GIGYF2: variants seen among roughly 807,000 people sequenced by gnomAD.
The protein encoded by GIGYF2 is GRB10-interacting GYF protein 2.
In GIGYF2, 25 loss-of-function variants were observed where a neutral mutation model predicts 208.1. The observed-to-expected ratio is 0.12, with a 90% CI of 0.09 to 0.17. The LOEUF (loss-of-function observed/expected upper bound fraction) is 0.17. GIGYF2 is among the 10% of genes least tolerant of loss of function. The pLI is 1.00. For synonymous variants in GIGYF2, 534 were observed against 543.8 expected (o/e 0.98, Z 0.25); for missense variants, 1,302 against 1,579.4 (o/e 0.82, Z 2.98).
At chr2:232,771,640 G>A (rs375135863) in intron 8 of GIGYF2, among the ~76,000 whole-genome samples, 2 of 152,140 alleles carry the variant, frequency 1.3e-5, no homozygotes, top group Non-Finnish European at 2.9e-5. Flanking sequence ...CATTTTCTAA[G>A]TATATTTTAG....
chr2:232,816,530 G>A (rs79566284), intron 19 of GIGYF2, among the ~76,000 whole-genome samples: 1,846 of 152,290 alleles, frequency 0.012, 44 homozygotes, highest in African/African-American at 0.042. Flanking sequence ...TAATGGTAAC[G>A]TGGAGTGTGG....
chr2:232,707,045 G>A (rs567814865), intron 2 of GIGYF2, among the ~76,000 whole-genome samples: 47 of 151,730 alleles, frequency 3.1e-4, no homozygotes, highest in African/African-American at 1.1e-3. Context: ...ATGTGGCAAT[G>A]TTGATGGCAT....
intron 2 of GIGYF2, chr2:232,705,536 G>A (rs1165696599): frequency 1.3e-5 from 2 of 152,282 alleles, no homozygotes; most frequent in Non-Finnish European, 2.9e-5. Flanking sequence ...CTCCCGAGTA[G>A]CTGGGATTAC....
At chr2:232,816,097 C>T (rs963993573) in intron 19 of GIGYF2, among the ~76,000 whole-genome samples, 3 of 152,128 alleles carry the variant, frequency 2.0e-5, no homozygotes, top group Non-Finnish European at 4.4e-5. Flanking sequence ...TGAGTTCTCC[C>T]ATTGAATCTT....
At chr2:232,702,458 C>CT (rs541776440) in intron 1 of GIGYF2, among the ~76,000 whole-genome samples, 67 of 151,358 alleles carry the variant, frequency 4.4e-4, no homozygotes, top group Non-Finnish European at 7.4e-4. Flanking sequence ...AAAAAAAACT[C>CT]TATCTGTCTC....
chr2:232,856,826 A>G lies in GIGYF2; in HGVS notation c.3866A>G (p.Asn1289Ser). 1.9e-6 allele frequency: 3 copies of G among 1,613,702 alleles called. No homozygotes were observed. Among genetic ancestry groups the G allele is most frequent in the African/African-American group, 1.3e-5 (1 of 75,048 alleles). The change falls in exon 29 of 29, where the codon AAC (asparagine) becomes AGC (serine). Residue 1289 changes from asparagine (N) to serine (S), a missense_variant. By Grantham distance (46) the Asn-to-Ser change is conservative. Coordinates refer to ENST00000373563, the MANE Select transcript of GIGYF2 (RefSeq NM_001103146.3). ...GTCAATGCATCATCGGAGCGACTCA[A>G]CATGGGTGAAATCGAGACGTTGGAT... Reference protein sequence around the residue: ...FSVNASSERLNMGEIETLDDY With the variant: ...FSVNASSERLSMGEIETLDDY
At chr2:232,841,802 G>A (rs1489926334) in intron 23 of GIGYF2, among the ~76,000 whole-genome samples, 1 of 152,018 alleles carries the variant, frequency 6.6e-6, no homozygotes, top group Non-Finnish European at 1.5e-5. Flanking sequence ...GACACTCTCA[G>A]CTTGCTTTAT....
At chr2:232,746,161 A>G (rs1434194842) in intron 3 of GIGYF2, among the ~76,000 whole-genome samples, 1 of 151,296 alleles carries the variant, frequency 6.6e-6, no homozygotes, top group Non-Finnish European at 1.5e-5. Context: ...AATACAAAAA[A>G]TTTTCCACAA....
chr2:232,847,269 T>G, intron 26 of GIGYF2, 79 bp from the exon 27 acceptor site: 2 of 1,440,616 alleles, frequency 1.4e-6, no homozygotes, highest in Non-Finnish European at 2.0e-6. Context: ...AAAGATACAT[T>G]AAAAATGGAA....
chr2:232,711,119 A>G (rs1278933655), intron 2 of GIGYF2, among the ~76,000 whole-genome samples: 1 of 132,236 alleles, frequency 7.6e-6, no homozygotes, highest in Non-Finnish European at 1.7e-5. Context: ...TTTTTTTTTT[A>G]AAGACAGTGT....
intron 2 of GIGYF2, among the ~76,000 whole-genome samples, chr2:232,728,369 G>A (rs1697304070): frequency 6.6e-6 from 1 of 152,120 alleles, no homozygotes; most frequent in Admixed American, 6.5e-5. Context: ...GCCCAGTCAG[G>A]GAAGCAAATA....
intron 2 of GIGYF2, chr2:232,724,476 T>C (rs1340898453): frequency 6.6e-6 from 1 of 152,104 alleles, no homozygotes; most frequent in Non-Finnish European, 1.5e-5. Flanking sequence ...ACTGCATTCT[T>C]CAGATCATCA....
intron 14 of GIGYF2, among the ~76,000 whole-genome samples, chr2:232,804,433 G>A (rs1700495407): frequency 1.3e-5 from 2 of 148,356 alleles, no homozygotes; most frequent in Admixed American, 1.4e-4. Flanking sequence ...ATTAGCTCAA[G>A]GAGTTCTTTT....
intron 23 of GIGYF2, among the ~76,000 whole-genome samples, chr2:232,842,691 A>G (rs1172271725): frequency 6.6e-6 from 1 of 152,186 alleles, no homozygotes; most frequent in Non-Finnish European, 1.5e-5. Flanking sequence ...GGGCTTTCCT[A>G]TAATAGATTC....
At chr2:232,821,722 GT>G (rs532298465) in intron 21 of GIGYF2, among the ~76,000 whole-genome samples, 1 of 151,918 alleles carries the variant, frequency 6.6e-6, no homozygotes, top group South Asian at 2.1e-4. Flanking sequence ...TTTTATTAGT[GT>G]TTTTTTGTTT....
chr2:232,713,954 C>CTT (rs34183844), intron 2 of GIGYF2, among the ~76,000 whole-genome samples: 1 of 130,098 alleles, frequency 7.7e-6, no homozygotes, highest in Non-Finnish European at 1.6e-5. Context: ...TTTTTTTTCT[C>CTT]TTTTTTTTTT....
intron 1 of GIGYF2, among the ~76,000 whole-genome samples, chr2:232,703,166 A>G (rs1234440055): frequency 6.6e-6 from 1 of 152,190 alleles, no homozygotes; most frequent in Non-Finnish European, 1.5e-5. Flanking sequence ...CTGAAACCCC[A>G]TGGTGGTCTT....
rs1471532935 is a variant in GIGYF2 at position 232,857,536 on chromosome 2, G to A, written c.*676G>A. 3.3e-5 allele frequency: 5 copies of A among 153,230 alleles called. No individual in the cohort carries two copies. Among genetic ancestry groups the A allele is most frequent in the East Asian group, 1.9e-4 (1 of 5,206 alleles). 9.5% of individuals were successfully genotyped at this position (153,230 alleles called of 1,614,324 possible). On this transcript the variant is annotated 3_prime_UTR_variant, in exon 29 of 29. Coordinates refer to ENST00000373563, the MANE Select transcript of GIGYF2 (RefSeq NM_001103146.3). ...TCTGAAAGGATTTATGTTTTTCTTC[G>A]TTAGATAGTGACTTCTGAGCAAGCT...
At chr2:232,850,148 G>T in intron 27 of GIGYF2, 114 bp from the exon 28 acceptor site, 5 of 923,232 alleles carry the variant, frequency 5.4e-6, no homozygotes, top group South Asian at 1.3e-5. Flanking sequence ...AAAGCTTTTT[G>T]TTTTTCTGCT....
Sources: allele counts gnomAD v4.1 joint callset (sites outside exome capture counted in the v4.1 genomes callset), GRCh38; gene constraint gnomAD v4.1.1; transcripts MANE v1.5; gene names NCBI Gene and HGNC (gene_info 2026-07-23, HGNC 2026-07-21).